The following CNBD1 variants were observed in gnomAD, a reference collection of about 807,000 sequenced individuals.
The protein encoded by CNBD1 is cyclic nucleotide binding domain containing 1.
A neutral mutation model predicts 54.4 loss-of-function variants in CNBD1; 71 were observed. The observed-to-expected ratio is 1.30, with a 90% CI of 1.08 to 1.59. The LOEUF (loss-of-function observed/expected upper bound fraction) is 1.59, where lower values mean the gene tolerates loss of function less well. Among genes scored for constraint, CNBD1 ranks in the 40% most tolerant of loss-of-function variants. The probability of loss-of-function intolerance (pLI) is 0.00; values close to 1 mark genes in which losing one functional copy is unlikely to be tolerated. For synonymous variants in CNBD1, 182 were observed against 170.7 expected, an observed-to-expected ratio of 1.07 and a Z score of -0.51; for missense variants, 659 against 518.0, an observed-to-expected ratio of 1.27 and a Z score of -2.64.
chr8:87,266,103 A>T (rs974711465), intron 6 of CNBD1, among the ~76,000 whole-genome samples: 1 of 152,198 alleles, frequency 6.6e-6, no homozygotes, highest in Non-Finnish European at 1.5e-5. Flanking sequence ...AATATAGCTA[A>T]ATTACATTCA....
chr8:86,992,474 G>C (rs548606328), intron 4 of CNBD1, among the ~76,000 whole-genome samples: 2 of 152,142 alleles, frequency 1.3e-5, no homozygotes, highest in East Asian at 3.9e-4. Context: ...TTCATTCAGA[G>C]TTAGTATTGA....
chr8:87,300,645 T>C (rs1442214475), intron 8 of CNBD1, among the ~76,000 whole-genome samples: 1 of 152,118 alleles, frequency 6.6e-6, no homozygotes, highest in African/African-American at 2.4e-5. Flanking sequence ...ATAGTGCTTG[T>C]AGTCCCAGCT....
intron 8 of CNBD1, among the ~76,000 whole-genome samples, chr8:87,349,410 CTG>C: frequency 6.6e-6 from 1 of 152,252 alleles, no homozygotes; most frequent in African/African-American, 2.4e-5. Flanking sequence ...GAGTCTCACT[CTG>C]TCGCTCAGGT....
chr8:87,276,868 C>A (rs7845931), intron 6 of CNBD1, among the ~76,000 whole-genome samples: 42,620 of 151,510 alleles, frequency 0.28, 6,438 homozygotes, highest in African/African-American at 0.39. Context: ...CTTACAGGAA[C>A]CTTAGAATGC....
intron 10 of CNBD1, among the ~76,000 whole-genome samples, chr8:87,356,428 G>T (rs1170367006): frequency 1.3e-5 from 2 of 152,168 alleles, no homozygotes; most frequent in Non-Finnish European, 2.9e-5. Flanking sequence ...TTGGAAAATG[G>T]AATAAAGTGT....
intron 4 of CNBD1, among the ~76,000 whole-genome samples, chr8:86,960,406 C>G (rs1029615932): frequency 6.6e-6 from 1 of 152,146 alleles, no homozygotes; most frequent in Non-Finnish European, 1.5e-5. Context: ...AGTCTGAGAT[C>G]GAACTGCAAG....
intron 8 of CNBD1, among the ~76,000 whole-genome samples, chr8:87,341,721 G>A (rs1371591459): frequency 1.3e-5 from 2 of 152,168 alleles, no homozygotes; most frequent in Admixed American, 6.5e-5. Context: ...AGTGTTTCCT[G>A]TCCTCTGGAG....
At chr8:87,391,580 A>G (rs139239518) in intron 2 of CNBD1, among the ~76,000 whole-genome samples, 3 of 152,180 alleles carry the variant, frequency 2.0e-5, no homozygotes, top group African/African-American at 7.2e-5. Flanking sequence ...CAGGTTGCTG[A>G]GATAATTCAA....
At chr8:87,281,584 AT>A (rs1808602714) in intron 6 of CNBD1, among the ~76,000 whole-genome samples, 2 of 58,910 alleles carry the variant, frequency 3.4e-5, no homozygotes, top group Admixed American at 1.4e-4. Context: ...ATATATATAT[AT>A]ATATATATAT....
At chr8:87,308,718 C>T (rs1444578582) in intron 8 of CNBD1, among the ~76,000 whole-genome samples, 1 of 152,008 alleles carries the variant, frequency 6.6e-6, no homozygotes, top group African/African-American at 2.4e-5. Context: ...ATTTTGTACC[C>T]ATTAACCAGT....
chr8:86,958,737 G>A (rs1431897917), intron 4 of CNBD1, among the ~76,000 whole-genome samples: 1 of 152,060 alleles, frequency 6.6e-6, no homozygotes, highest in Non-Finnish European at 1.5e-5. Context: ...CACATGAGAT[G>A]GGTCTCCTGA....
chr8:86,932,873 T>C (rs1282383030), intron 3 of CNBD1, among the ~76,000 whole-genome samples: 2 of 152,136 alleles, frequency 1.3e-5, no homozygotes, highest in African/African-American at 4.8e-5. Context: ...CAATGGTCCC[T>C]GGACCCTGCT....
intron 4 of CNBD1, among the ~76,000 whole-genome samples, chr8:86,993,042 T>G (rs1054685754): frequency 1.3e-5 from 2 of 152,176 alleles, no homozygotes; most frequent in African/African-American, 4.8e-5. Flanking sequence ...TGTCTTCAAA[T>G]ATATTTTCCA....
intron 8 of CNBD1, among the ~76,000 whole-genome samples, chr8:87,301,961 A>T (rs1450613834): frequency 6.6e-6 from 1 of 152,168 alleles, no homozygotes; most frequent in African/African-American, 2.4e-5. Context: ...CTCTGAATAG[A>T]CCAATAACAG....
rs1808566645 is a variant in CNBD1 at position 86,984,739 on chromosome 8, G to A, written c.431+44985G>A. 4.6e-5 allele frequency among the ~76,000 whole-genome samples: 7 copies of A among 152,280 alleles called. No homozygotes were observed. The South Asian group carries it at 1.2e-3, about 27-fold the overall frequency. The stretch of plus-strand genomic sequence containing the variant: ...GGCCAATTTCTCCCATTTGGAATGG[G>A]TATATTTACCCAAGGCCCATACCCC... On this transcript the variant is annotated intron_variant, in intron 4 of 10. Coordinates refer to ENST00000518476, the MANE Select transcript of CNBD1 (RefSeq NM_173538.3).
intron 1 of CNBD1, among the ~76,000 whole-genome samples, chr8:86,871,134 T>TATG (rs1808438388): frequency 6.6e-6 from 1 of 152,242 alleles, no homozygotes; most frequent in Non-Finnish European, 1.5e-5. Flanking sequence ...GAAATTAAGC[T>TATG]ATGGGAACTT....
chr8:86,994,163 GC>G (rs1443205109), intron 4 of CNBD1, among the ~76,000 whole-genome samples: 1 of 152,202 alleles, frequency 6.6e-6, no homozygotes. Flanking sequence ...TTCCCAAGAT[GC>G]CTGTCACAGC....
chr8:86,894,127 T>TCTCGGCTCACTGCAAG, intron 2 of CNBD1, among the ~76,000 whole-genome samples: 1 of 123,390 alleles, frequency 8.1e-6, no homozygotes, highest in South Asian at 2.9e-4. Context: ...AGTGGCGCAA[T>TCTCGGCTCACTGCAAG]CTCGGCTCAC....
intron 2 of CNBD1, among the ~76,000 whole-genome samples, chr8:87,403,498 TAGA>T (rs1159786563): frequency 6.6e-6 from 1 of 152,058 alleles, no homozygotes; most frequent in East Asian, 1.9e-4. Context: ...ATTATCATCA[TAGA>T]AGAATTAAGA....
Sources: gnomAD v4.1 joint callset for allele counts (sites outside exome capture counted in the v4.1 genomes callset) on GRCh38, gnomAD v4.1.1 for gene constraint, MANE v1.5 for transcripts, NCBI Gene and HGNC (gene_info 2026-07-23, HGNC 2026-07-21) for gene names.